The following KIAA1671 variants were observed in gnomAD, a reference collection of about 807,000 sequenced individuals.
The protein encoded by KIAA1671 is KIAA1671, also known as uncharacterized protein KIAA1671.
A neutral mutation model predicts 131.2 loss-of-function variants in KIAA1671; 52 were observed. That is an observed-to-expected ratio of 0.40 (90% CI 0.32 to 0.50). The LOEUF (loss-of-function observed/expected upper bound fraction) is 0.50. KIAA1671 is among the 20% of genes least tolerant of loss of function. The pLI, the probability that KIAA1671 is intolerant of heterozygous loss-of-function variation, is 0.73. For synonymous variants in KIAA1671, 1,003 were observed against 961.6 expected (o/e 1.04, Z -0.80); for missense variants, 2,360 against 2,364.2 (o/e 1.00, Z 0.04).
intron 6 of KIAA1671, among the ~76,000 whole-genome samples, chr22:25,066,084 A>G (rs1385818872): frequency 6.6e-6 from 1 of 151,842 alleles, no homozygotes; most frequent in African/African-American, 2.4e-5. Context: ...TCATGTGGAA[A>G]TGAGGGAGGG....
intron 11 of KIAA1671, among the ~76,000 whole-genome samples, chr22:25,187,490 A>G (rs1358355094): frequency 6.6e-6 from 1 of 151,824 alleles, no homozygotes; most frequent in Non-Finnish European, 1.5e-5. Flanking sequence ...TTTTTCTTGA[A>G]TAAAGTTTTA....
chr22:25,035,443 G>A (rs1926537055), intron 4 of KIAA1671, among the ~76,000 whole-genome samples: 1 of 152,090 alleles, frequency 6.6e-6, no homozygotes, highest in Admixed American at 6.6e-5. Context: ...AAACTTCCGT[G>A]GAGTTTTAAA....
At chr22:25,090,969 C>T (rs1055713475) in intron 6 of KIAA1671, among the ~76,000 whole-genome samples, 2 of 152,236 alleles carry the variant, frequency 1.3e-5, no homozygotes, top group African/African-American at 2.4e-5. Context: ...TGCTGTATCC[C>T]TGGAGTCTAG....
chr22:25,141,040 A>G lies in KIAA1671; in HGVS notation c.4531-29780A>G, dbSNP rs567469908. On this transcript the variant is annotated intron_variant, in intron 6 of 12. Transcript: ENST00000358431. ...TGGCCCTCATAAGACTGTAAAACAG[A>G]TAAGACTGGGCTCAGAGGAGCTCCT... 1.9e-3 allele frequency among the ~76,000 whole-genome samples: 293 copies of G among 152,280 alleles called. 1 individual carries two copies. Among genetic ancestry groups the G allele is most frequent in the Middle Eastern group, 3.4e-3 (1 of 294 alleles).
chr22:25,118,503 G>T (rs1016402356), intron 6 of KIAA1671, among the ~76,000 whole-genome samples: 1 of 151,982 alleles, frequency 6.6e-6, no homozygotes, highest in Non-Finnish European at 1.5e-5. Context: ...GTTGCCCAAG[G>T]TAGTCTCAAA....
intron 6 of KIAA1671, among the ~76,000 whole-genome samples, chr22:25,097,781 CAAAG>C (rs1183381102): frequency 2.0e-5 from 3 of 151,672 alleles, no homozygotes; most frequent in African/African-American, 2.4e-5. Context: ...ACTCAAAACA[CAAAG>C]AAGGTATGAC....
chr22:25,151,618 A>G (rs7289190), intron 6 of KIAA1671, among the ~76,000 whole-genome samples: 40,265 of 151,390 alleles, frequency 0.27, 5,420 homozygotes, highest in South Asian at 0.39. Flanking sequence ...TTTTAGTAGA[A>G]ATAGGTTTCA....
intron 1 of KIAA1671, among the ~76,000 whole-genome samples, chr22:24,983,687 G>A (rs567759307): frequency 2.2e-4 from 32 of 147,998 alleles, no homozygotes; most frequent in Non-Finnish European, 4.3e-4. Context: ...GCAGGAGTGC[G>A]GCACAGAGGC....
intron 6 of KIAA1671, among the ~76,000 whole-genome samples, chr22:25,089,061 A>G (rs183271770): frequency 1.2e-3 from 187 of 152,292 alleles, no homozygotes; most frequent in African/African-American, 4.4e-3. Flanking sequence ...ATACAGCATA[A>G]CAGCTATTTA....
At chr22:25,174,757 A>C in intron 8 of KIAA1671, 4 of 357,632 alleles carry the variant, frequency 1.1e-5, no homozygotes, top group Admixed American at 4.4e-5. Flanking sequence ...CTCAAATACA[A>C]TTGCATGCAT....
chr22:25,191,633 C>T (rs1934674905), intron 12 of KIAA1671, among the ~76,000 whole-genome samples: 1 of 152,210 alleles, frequency 6.6e-6, no homozygotes, highest in African/African-American at 2.4e-5. Context: ...GCAGTGTCCA[C>T]ACCACCGAGT....
intron 1 of KIAA1671, among the ~76,000 whole-genome samples, chr22:24,956,552 C>G (rs947362210): frequency 6.6e-6 from 1 of 152,086 alleles, no homozygotes; most frequent in Non-Finnish European, 1.5e-5. Flanking sequence ...GGAGCCTTCC[C>G]GGAGGAGGCA....
At chr22:25,008,163 A>G (rs957252040) in intron 1 of KIAA1671, among the ~76,000 whole-genome samples, 2 of 135,776 alleles carry the variant, frequency 1.5e-5, no homozygotes, top group Non-Finnish European at 3.0e-5. Context: ...GCGCCACTGC[A>G]CTCCAGCCTG....
intron 6 of KIAA1671, chr22:25,070,507 T>G: frequency 4.8e-6 from 2 of 414,048 alleles, no homozygotes; most frequent in Non-Finnish European, 8.8e-6. Context: ...TTTGGCTGTG[T>G]CTGGTTAGCA....
chr22:25,029,251 A>G lies in KIAA1671; in HGVS notation c.1252A>G (p.Ser418Gly). Residue 418 changes from serine to glycine, a missense_variant, in exon 3 of 13, where the codon AGC (serine) becomes GGC (glycine). Physicochemically the swap from Ser to Gly is moderately conservative, Grantham distance 56. Around this residue, in one of 3 missense-constraint regions of KIAA1671, gnomAD observed 1,185 missense variants for 1,126.2 expected, o/e 1.05. Transcript: ENST00000358431. ...GGGCCTAGAACTTGCTGAGGTTAAGAGCAGAGTGGCGGATGGGGAGGCCGC... is the reference window on the plus strand; with the variant it reads ...GGGCCTAGAACTTGCTGAGGTTAAGGGCAGAGTGGCGGATGGGGAGGCCGC... Reference protein sequence around the residue: ...GRGLELAEVKSRVADGEAAAG... With the variant: ...GRGLELAEVKGRVADGEAAAG... The G allele has an allele frequency of 6.7e-7, 1 of 1,493,718 alleles. No homozygotes were observed. Among genetic ancestry groups the G allele is most frequent in the Non-Finnish European group, 9.0e-7 (1 of 1,116,156 alleles). 92.5% of individuals were successfully genotyped at this position (1,493,718 alleles called of 1,614,324 possible).
chr22:24,974,240 TC>T (rs1922792626), intron 1 of KIAA1671, among the ~76,000 whole-genome samples: 1 of 152,164 alleles, frequency 6.6e-6, no homozygotes, highest in Non-Finnish European at 1.5e-5. Flanking sequence ...GCCTGACTTT[TC>T]CCAGCCTTGT....
In KIAA1671 at chr22:25,196,482, T is replaced by A. The variant is rs1001926819; in HGVS notation, c.*4081T>A. The A allele has an allele frequency of 1.6e-4, 25 of 152,200 alleles. No individual in the cohort carries two copies. Among genetic ancestry groups the A allele is most frequent in the African/African-American group, 5.5e-4 (23 of 41,500 alleles). 9.4% of individuals were successfully genotyped at this position (152,200 alleles called of 1,614,324 possible). A position where few individuals can be genotyped will look rare whatever the true frequency, so the allele number is the denominator to read the frequency against. On this transcript the variant is annotated 3_prime_UTR_variant, in exon 13 of 13. Transcript: ENST00000358431. The stretch of plus-strand genomic sequence containing the variant: ...CACGGTCTTGCTCTGTTGGCCAGGC[T>A]GGAATGCAGTGGCACAATCATAGCT...
intron 6 of KIAA1671, among the ~76,000 whole-genome samples, chr22:25,128,767 T>A (rs1027991797): frequency 2.0e-5 from 3 of 152,250 alleles, no homozygotes; most frequent in African/African-American, 7.2e-5. Context: ...GATCTCCATT[T>A]ATGTAGCTGT....
chr22:25,188,957 C>A (rs570312477), intron 11 of KIAA1671, among the ~76,000 whole-genome samples: 5 of 152,102 alleles, frequency 3.3e-5, no homozygotes, highest in Admixed American at 2.0e-4. Context: ...TATGTATGCA[C>A]ATGTAGACAC....
Sources: gnomAD v4.1 joint callset for allele counts (sites outside exome capture counted in the v4.1 genomes callset) on GRCh38, gnomAD v4.1.1 for gene constraint, gnomAD v4.1.1 regional missense constraint, MANE v1.5 for transcripts, NCBI Gene and HGNC (gene_info 2026-07-23, HGNC 2026-07-21) for gene names.